Variants in DLG2 observed in about 807,000 individuals in gnomAD.
DLG2 encodes the protein discs large MAGUK scaffold protein 2.
In DLG2, 45 loss-of-function variants were observed where a neutral mutation model predicts 132.5. The observed-to-expected ratio is 0.34, with a 90% confidence interval of 0.27 to 0.44. DLG2 has a LOEUF of 0.44. DLG2 is among the 20% of genes least tolerant of loss of function. The probability of loss-of-function intolerance (pLI) is 1.00; values close to 1 mark genes in which losing one functional copy is unlikely to be tolerated. For synonymous variants in DLG2, 424 were observed against 419.6 expected (o/e 1.01, Z -0.13); for missense variants, 1,045 against 1,196.9 (o/e 0.87, Z 1.87).
At chr11:85,420,083 G>T (rs1234641711) in intron 3 of DLG2, among the ~76,000 whole-genome samples, 1 of 152,140 alleles carries the variant, frequency 6.6e-6, no homozygotes, top group Non-Finnish European at 1.5e-5. Context: ...TCTACCTTTG[G>T]TCTTTGGTTG....
chr11:83,590,473 T>A (rs944045010), intron 19 of DLG2, among the ~76,000 whole-genome samples: 13 of 152,120 alleles, frequency 8.5e-5, no homozygotes, highest in Non-Finnish European at 1.9e-4. Flanking sequence ...CCAGAATCTC[T>A]GGGACACATT....
intron 10 of DLG2, among the ~76,000 whole-genome samples, chr11:84,071,793 T>A (rs1008673854): frequency 3.9e-5 from 6 of 152,190 alleles, no homozygotes; most frequent in African/African-American, 1.4e-4. Flanking sequence ...TAAAATGAAA[T>A]CTTACTTAGA....
intron 6 of DLG2, among the ~76,000 whole-genome samples, chr11:84,793,366 G>A (rs1428477633): frequency 1.3e-5 from 2 of 152,152 alleles, no homozygotes; most frequent in Non-Finnish European, 2.9e-5. Flanking sequence ...GGAAAATAAT[G>A]TGTATTTTTG....
intron 6 of DLG2, among the ~76,000 whole-genome samples, chr11:85,093,908 A>G: frequency 6.6e-6 from 1 of 152,198 alleles, no homozygotes; most frequent in Non-Finnish European, 1.5e-5. Context: ...CTTGGGATCC[A>G]TTGCATCTCA....
intron 18 of DLG2, chr11:83,643,740 C>A (rs1190946549): frequency 1.3e-5 from 2 of 152,052 alleles, no homozygotes; most frequent in African/African-American, 4.8e-5. Context: ...ATGGGAAGAC[C>A]ACTAAGGGAA....
intron 6 of DLG2, among the ~76,000 whole-genome samples, chr11:85,004,207 T>C (rs2058448458): frequency 6.6e-6 from 1 of 152,226 alleles, no homozygotes; most frequent in Admixed American, 6.5e-5. Flanking sequence ...TATAATAGAA[T>C]GATTTATAAT....
intron 18 of DLG2, among the ~76,000 whole-genome samples, chr11:83,762,227 C>T (rs2093939915): frequency 6.6e-6 from 1 of 152,208 alleles, no homozygotes; most frequent in Admixed American, 6.5e-5. Context: ...TTTATTCCCG[C>T]CAGTTTCTAA....
intron 6 of DLG2, among the ~76,000 whole-genome samples, chr11:84,811,511 T>C (rs1415002166): frequency 6.6e-6 from 1 of 152,160 alleles, no homozygotes; most frequent in Non-Finnish European, 1.5e-5. Flanking sequence ...TTTTGTTTTG[T>C]ACATGGAAAA....
chr11:83,925,880 A>AATT (rs2078884909), intron 15 of DLG2, among the ~76,000 whole-genome samples: 1 of 152,144 alleles, frequency 6.6e-6, no homozygotes, highest in Non-Finnish European at 1.5e-5. Context: ...TAGAAAAACC[A>AATT]ATTAAAACAT....
At chr11:84,890,289 T>C (rs2089139017) in intron 6 of DLG2, among the ~76,000 whole-genome samples, 1 of 152,174 alleles carries the variant, frequency 6.6e-6, no homozygotes, top group Non-Finnish European at 1.5e-5. Flanking sequence ...TTCCCTTCTC[T>C]TGTGCTGTAG....
intron 10 of DLG2, among the ~76,000 whole-genome samples, chr11:84,080,544 CAT>C (rs1566389036): frequency 1.3e-5 from 2 of 152,260 alleles, no homozygotes; most frequent in South Asian, 4.1e-4. Flanking sequence ...GTCTAAAATA[CAT>C]GTTACATTAT....
Position 85,544,933 on chromosome 11 carries a change from G to A in DLG2, c.40+53724C>T, listed in dbSNP as rs145140751. Reference sequence around the variant, plus strand: ...CTAAATACACAATCATGTCATCTGCGCACAGAAACAATTTGACTTCCTCTT... The same window carrying A: ...CTAAATACACAATCATGTCATCTGCACACAGAAACAATTTGACTTCCTCTT... On this transcript the variant is annotated intron_variant, in intron 3 of 27. Transcript: ENST00000376104. 1.6e-4 allele frequency among the ~76,000 whole-genome samples: 25 copies of A among 152,186 alleles called. No individual in the cohort carries two copies. The East Asian group carries it at 3.7e-3, about 22-fold the overall frequency.
At chr11:85,550,230 C>G (rs1261948763) in intron 3 of DLG2, among the ~76,000 whole-genome samples, 1 of 152,200 alleles carries the variant, frequency 6.6e-6, no homozygotes, top group African/African-American at 2.4e-5. Context: ...CCCTCACTGG[C>G]AGAGGACAGC....
chr11:84,281,444 T>A (rs34396647), intron 7 of DLG2, among the ~76,000 whole-genome samples: 29,037 of 152,006 alleles, frequency 0.19, 3,584 homozygotes, highest in Middle Eastern at 0.33. Flanking sequence ...TGTCTTTTTT[T>A]AAAATTATTA....
chr11:83,824,848 T>C (rs2052033525), intron 17 of DLG2, among the ~76,000 whole-genome samples: 1 of 152,084 alleles, frequency 6.6e-6, no homozygotes, highest in Non-Finnish European at 1.5e-5. Context: ...GAGTCAGGTG[T>C]TACAAGTCTG....
chr11:85,622,195 G>A (rs567452425), intron 2 of DLG2, among the ~76,000 whole-genome samples: 3 of 152,204 alleles, frequency 2.0e-5, no homozygotes, highest in Admixed American at 6.5e-5. Context: ...GACATAATAC[G>A]ATCGCAAACC....
At chr11:85,192,074 C>G (rs1170161359) in intron 4 of DLG2, among the ~76,000 whole-genome samples, 1 of 152,128 alleles carries the variant, frequency 6.6e-6, no homozygotes, top group African/African-American at 2.4e-5. Context: ...GCAATTTGAT[C>G]TGACTACAAA....
chr11:83,891,559 G>T lies in DLG2; in HGVS notation c.1497-17071C>A, dbSNP rs908810826. 3.3e-5 allele frequency among the ~76,000 whole-genome samples: 5 copies of T among 152,158 alleles called. No homozygotes were observed. The South Asian group carries it at 8.3e-4, about 25-fold the overall frequency. ...CAGGTTTATAAAACAGCTGGAAAAG[G>T]GTTAGAGACAGTCAAGGATATGTGG... On this transcript the variant is annotated intron_variant, in intron 15 of 27. Coordinates refer to ENST00000376104, the MANE Select transcript of DLG2 (RefSeq NM_001142699.3).
intron 21 of DLG2, among the ~76,000 whole-genome samples, chr11:83,512,687 C>T (rs1398906551): frequency 6.6e-6 from 1 of 152,016 alleles, no homozygotes; most frequent in Non-Finnish European, 1.5e-5. Flanking sequence ...CCCCCTTCCC[C>T]CCACCCCACA....
Sources: allele counts gnomAD v4.1 joint callset (sites outside exome capture counted in the v4.1 genomes callset), GRCh38; gene constraint gnomAD v4.1.1; transcripts MANE v1.5; gene names NCBI Gene and HGNC (gene_info 2026-07-23, HGNC 2026-07-21).